The following CAST variants were observed in gnomAD, a reference collection of about 807,000 sequenced individuals.
CAST encodes the protein MIR583 host.
CAST carries 76 observed loss-of-function variants against 119.6 expected under a neutral mutation model. The observed-to-expected ratio is 0.64, with a 90% CI of 0.53 to 0.77. The LOEUF is 0.77. CAST is among the 30% of genes least tolerant of loss of function. The pLI is 0.00. For synonymous variants in CAST, 319 were observed against 331.6 expected, an observed-to-expected ratio of 0.96 and a Z score of 0.41; for missense variants, 953 against 946.5, an observed-to-expected ratio of 1.01 and a Z score of -0.09.
chr5:96,023,416 C>A, the CAST span, among the ~76,000 whole-genome samples: 11 of 152,152 alleles, frequency 7.2e-5, no homozygotes, highest in African/African-American at 2.4e-4. Context: ...AGTAGGGAAG[C>A]TATTTTGACC....
At chr5:96,746,976 A>C (rs26509) in intron 17 of CAST, among the ~76,000 whole-genome samples, 102,033 of 152,096 alleles carry the variant, frequency 0.67, 34,529 homozygotes, top group East Asian at 0.92. Context: ...AAAACTAAAC[A>C]GTGTTATAGG....
intron 1 of CAST, among the ~76,000 whole-genome samples, chr5:96,611,084 T>G (rs139491711): frequency 4.0e-4 from 61 of 152,218 alleles, no homozygotes; most frequent in African/African-American, 1.3e-3. Context: ...CCAAAGCAAT[T>G]AACAGATTTA....
the CAST span, among the ~76,000 whole-genome samples, chr5:96,225,619 A>G: frequency 6.6e-6 from 1 of 152,174 alleles, no homozygotes; most frequent in African/African-American, 2.4e-5. Context: ...GTTATCTTAT[A>G]CCCACCTTAC....
chr5:96,129,830 C>T, the CAST span, among the ~76,000 whole-genome samples: 1 of 147,822 alleles, frequency 6.8e-6, no homozygotes, highest in African/African-American at 2.5e-5. Flanking sequence ...ATTTCAAATA[C>T]TATGAAGCTA....
intron 24 of CAST, chr5:96,761,711 T>C (rs1055184031): frequency 1.3e-5 from 2 of 152,744 alleles, no homozygotes; most frequent in African/African-American, 2.4e-5. Context: ...TTCTAGAATA[T>C]TTAACGTTGA....
At chr5:96,424,200 AAAT>A in the CAST span, among the ~76,000 whole-genome samples, 16 of 152,312 alleles carry the variant, frequency 1.1e-4, no homozygotes, top group Middle Eastern at 3.4e-3. Context: ...AGAAATCTAT[AAAT>A]AACCACAATC....
chr5:95,966,665 G>A, the CAST span, among the ~76,000 whole-genome samples: 14 of 152,122 alleles, frequency 9.2e-5, no homozygotes, highest in African/African-American at 2.9e-4. Context: ...TGAGTAGAAG[G>A]CTAGGTGGCC....
chr5:96,264,688 G>A, the CAST span, among the ~76,000 whole-genome samples: 1 of 152,182 alleles, frequency 6.6e-6, no homozygotes, highest in Admixed American at 6.5e-5. Context: ...CATCCTGTGG[G>A]CATTTGACTT....
At chr5:96,701,951 T>G (rs1027592835) in intron 3 of CAST, among the ~76,000 whole-genome samples, 2 of 152,096 alleles carry the variant, frequency 1.3e-5, no homozygotes, top group African/African-American at 2.4e-5. Flanking sequence ...CCTTGAAAGG[T>G]ACATCAGAGG....
the CAST span, among the ~76,000 whole-genome samples, chr5:96,464,628 T>G: frequency 6.6e-6 from 1 of 152,096 alleles, no homozygotes; most frequent in Non-Finnish European, 1.5e-5. Flanking sequence ...CAATCTTGGT[T>G]GAAATGACAG....
chr5:96,059,669 T>C, the CAST span, among the ~76,000 whole-genome samples: 4 of 152,076 alleles, frequency 2.6e-5, no homozygotes, highest in Non-Finnish European at 5.9e-5. Context: ...TCATAATGTG[T>C]CCAATGCATC....
chr5:96,771,840 G>T, intron 31 of CAST, 138 bp downstream of exon 31: 1 of 518,850 alleles, frequency 1.9e-6, no homozygotes, highest in South Asian at 3.4e-5. Context: ...CATACTGCAA[G>T]ATCTACAGAG....
the CAST span, among the ~76,000 whole-genome samples, chr5:96,179,975 G>T: frequency 1.3e-5 from 2 of 151,948 alleles, no homozygotes; most frequent in Non-Finnish European, 2.9e-5. Flanking sequence ...GGTGGAGCTT[G>T]CAGTGAGCTG....
chr5:96,143,803 C>T, the CAST span, among the ~76,000 whole-genome samples: 1 of 152,126 alleles, frequency 6.6e-6, no homozygotes, highest in Non-Finnish European at 1.5e-5. Flanking sequence ...ATATATATAA[C>T]CTAATGCATT....
the CAST span, among the ~76,000 whole-genome samples, chr5:96,252,606 T>C: frequency 6.6e-6 from 1 of 152,146 alleles, no homozygotes; most frequent in Admixed American, 6.6e-5. Flanking sequence ...CCCGTTTGGA[T>C]TGCACAGAAA....
chr5:96,608,980 A>G (rs1165286188), intron 1 of CAST, among the ~76,000 whole-genome samples: 1 of 152,176 alleles, frequency 6.6e-6, no homozygotes, highest in African/African-American at 2.4e-5. Flanking sequence ...GGGGATTACA[A>G]TTCAACGTGA....
the CAST span, among the ~76,000 whole-genome samples, chr5:96,089,998 T>TA: frequency 6.6e-6 from 1 of 152,196 alleles, no homozygotes; most frequent in African/African-American, 2.4e-5. Context: ...CTCTGCAAAT[T>TA]ATTTGGTGGT....
the CAST span, among the ~76,000 whole-genome samples, chr5:96,188,571 T>G: frequency 6.6e-6 from 1 of 152,190 alleles, no homozygotes; most frequent in African/African-American, 2.4e-5. Flanking sequence ...TCCTCAACTT[T>G]AGATATATCT....
At chr5:96,214,925 A>G in the CAST span, 1 of 152,180 alleles carries the variant, frequency 6.6e-6, no homozygotes, top group African/African-American at 2.4e-5. Context: ...TCTTAAAGCC[A>G]TAGTGTAATT....
Sources: allele counts gnomAD v4.1 joint callset (sites outside exome capture counted in the v4.1 genomes callset), GRCh38; gene constraint gnomAD v4.1.1; transcripts MANE v1.5; gene names NCBI Gene and HGNC (gene_info 2026-07-23, HGNC 2026-07-21).